The following PHKA1 variants were observed in gnomAD, a reference collection of about 807,000 sequenced individuals.
PHKA1 encodes the protein phosphorylase kinase regulatory subunit alpha 1, also known as phosphorylase b kinase regulatory subunit alpha, skeletal muscle isoform.
PHKA1 carries 60 observed loss-of-function variants against 110.2 expected under a neutral mutation model. The observed-to-expected ratio is 0.54, with a 90% confidence interval of 0.44 to 0.68. The LOEUF (loss-of-function observed/expected upper bound fraction) is 0.68, where lower values mean the gene tolerates loss of function less well. Ranked by LOEUF, PHKA1 falls within the 30% of genes least tolerant of loss-of-function variation. PHKA1 has a pLI of 0.00. For missense variants in PHKA1, 801 were observed against 942.5 expected, an observed-to-expected ratio of 0.85 and a Z score of 1.97; for synonymous variants, 316 against 333.6, an observed-to-expected ratio of 0.95 and a Z score of 0.58.
intron 21 of PHKA1, among the ~76,000 whole-genome samples, chrX:72,614,693 A>T (rs1469885759): frequency 5.4e-5 from 6 of 111,899 alleles, no homozygotes; most frequent in African/African-American, 1.9e-4. Context: ...GGTAAATAAA[A>T]GTTGAAAGTC....
At chrX:72,709,610 A>G (rs2054336941) in intron 2 of PHKA1, 1 of 110,929 alleles carries the variant, frequency 9.0e-6, no homozygotes, top group South Asian at 3.8e-4. Flanking sequence ...ATATTTTGCC[A>G]TAACTAGTCA....
At chrX:72,581,715 C>A (rs1226211942) in intron 31 of PHKA1, among the ~76,000 whole-genome samples, 3 of 112,167 alleles carry the variant, frequency 2.7e-5, no homozygotes, top group Admixed American at 9.4e-5. Context: ...TTAGAATCTT[C>A]TTAGAAAGCC....
chrX:72,669,673 T>C lies in PHKA1; in HGVS notation c.619-2200A>G, dbSNP rs782682703. Among the ~76,000 whole-genome samples, 9 of 108,339 alleles carry C rather than the reference T, an allele frequency of 8.3e-5. No homozygotes were observed. In the South Asian group the frequency reaches 3.8e-3, roughly 46 times the overall value. The allele number at this position is 108,339 out of a possible 115,157, so 94.1% of individuals were successfully genotyped here. A position where few individuals can be genotyped will look rare whatever the true frequency, so the allele number is the denominator to read the frequency against. ...GTGATAGTTTGCTGAGAATGATGGT[T>C]TCCAGTTTCATCCATGTCCCTACAA... On this transcript the variant is annotated intron_variant, in intron 6 of 31. Coordinates refer to ENST00000373542, the MANE Select transcript of PHKA1 (RefSeq NM_002637.4).
intron 5 of PHKA1, 148 bp from the exon 6 acceptor site, chrX:72,676,298 G>A: frequency 2.4e-6 from 1 of 421,851 alleles, no homozygotes; most frequent in Non-Finnish European, 4.0e-6. Context: ...TTATTAAGGA[G>A]ATGCTAATGT....
intron 4 of PHKA1, among the ~76,000 whole-genome samples, chrX:72,695,033 T>G (rs1603273890): frequency 9.0e-6 from 1 of 111,609 alleles, no homozygotes; most frequent in Non-Finnish European, 1.9e-5. Context: ...TATCATCAAA[T>G]ATTTATTTCT....
intron 2 of PHKA1, among the ~76,000 whole-genome samples, chrX:72,709,904 G>A (rs1159950775): frequency 2.7e-5 from 3 of 109,192 alleles, no homozygotes. Context: ...TTAGCCGGGT[G>A]TGGTGGTGCA....
At chrX:72,681,541 G>A (rs2053872384) in intron 5 of PHKA1, among the ~76,000 whole-genome samples, 1 of 91,185 alleles carries the variant, frequency 1.1e-5, no homozygotes, top group Non-Finnish European at 2.3e-5. Context: ...CCGGGAGGGA[G>A]GTGGGGGGGT....
intron 28 of PHKA1, among the ~76,000 whole-genome samples, chrX:72,593,820 CAT>C (rs1268402576): frequency 8.9e-6 from 1 of 112,336 alleles, no homozygotes; most frequent in Non-Finnish European, 1.9e-5. Flanking sequence ...TGAGAAAAGT[CAT>C]AAAAATACTG....
At chrX:72,699,301 G>T (rs1556328602) in intron 3 of PHKA1, among the ~76,000 whole-genome samples, 2 of 108,676 alleles carry the variant, frequency 1.8e-5, no homozygotes, top group Non-Finnish European at 3.8e-5. Context: ...TCAAGAGATT[G>T]AGACCATCCT....
chrX:72,626,725 A>G (rs2053077396), intron 17 of PHKA1, among the ~76,000 whole-genome samples: 2 of 111,883 alleles, frequency 1.8e-5, no homozygotes, highest in South Asian at 7.5e-4. Flanking sequence ...AAATAGAACA[A>G]TTATAACAAT....
intron 23 of PHKA1, among the ~76,000 whole-genome samples, chrX:72,607,113 T>A (rs782427976): frequency 1.7e-4 from 19 of 111,865 alleles, no homozygotes; most frequent in Non-Finnish European, 2.8e-4. Context: ...TTTCTTGATC[T>A]ATTCATCTAC....
intron 5 of PHKA1, among the ~76,000 whole-genome samples, chrX:72,683,801 T>A (rs2053938263): frequency 8.9e-6 from 1 of 112,540 alleles, no homozygotes; most frequent in African/African-American, 3.2e-5. Flanking sequence ...AATCAACAGT[T>A]CATTCCTTTT....
intron 13 of PHKA1, among the ~76,000 whole-genome samples, chrX:72,647,364 A>G (rs782415222): frequency 8.1e-5 from 9 of 111,337 alleles, no homozygotes; most frequent in Non-Finnish European, 1.7e-4. Context: ...ATATAGGAGG[A>G]AAAGCAGGTA....
chrX:72,624,390 C>T (rs916672970), intron 17 of PHKA1, among the ~76,000 whole-genome samples: 1 of 111,354 alleles, frequency 9.0e-6, no homozygotes, highest in African/African-American at 3.3e-5. Flanking sequence ...TAACCACCTC[C>T]CTAAGGGACA....
At chrX:72,595,451 A>T (rs944831684) in intron 28 of PHKA1, among the ~76,000 whole-genome samples, 1 of 111,258 alleles carries the variant, frequency 9.0e-6, no homozygotes, top group Non-Finnish European at 1.9e-5. Flanking sequence ...AACCAGGGAG[A>T]TTAAGTAAGA....
chrX:72,654,947 G>A (rs2053473883), intron 10 of PHKA1, among the ~76,000 whole-genome samples: 1 of 108,196 alleles, frequency 9.2e-6, no homozygotes, highest in South Asian at 4.1e-4. Flanking sequence ...ACAGGCGCCC[G>A]CCACTACGCC....
intron 5 of PHKA1, among the ~76,000 whole-genome samples, chrX:72,680,394 G>C (rs1001977132): frequency 7.1e-5 from 8 of 112,601 alleles, no homozygotes; most frequent in Non-Finnish European, 1.1e-4. Context: ...CAACAAATTT[G>C]TCATCAGAAA....
chrX:72,589,972 C>T (rs782246948), intron 29 of PHKA1, among the ~76,000 whole-genome samples: 9 of 111,198 alleles, frequency 8.1e-5, no homozygotes, highest in Admixed American at 3.8e-4. Context: ...ATAGGAAGAA[C>T]CAATATCATG....
chrX:72,646,300 C>A (rs926666288), intron 13 of PHKA1, among the ~76,000 whole-genome samples: 7 of 111,578 alleles, frequency 6.3e-5, no homozygotes, highest in Admixed American at 1.9e-4. Context: ...GTCAAGTGAA[C>A]AATACTCTGG....
Sources: gnomAD v4.1 joint callset for allele counts (sites outside exome capture counted in the v4.1 genomes callset) on GRCh38, gnomAD v4.1.1 for gene constraint, MANE v1.5 for transcripts, NCBI Gene and HGNC (gene_info 2026-07-23, HGNC 2026-07-21) for gene names.